The following MYO3B variants were observed in gnomAD, a reference collection of about 807,000 sequenced individuals.
MYO3B encodes the protein myosin IIIB.
Under a neutral mutation model 174.6 loss-of-function variants are expected in MYO3B, and 156 were observed. The ratio of observed to expected loss-of-function variants is 0.89; its 90% CI spans 0.78 to 1.02. MYO3B has a LOEUF of 1.02. Among genes scored for constraint, MYO3B ranks in the 50% least tolerant of loss-of-function variants. MYO3B has a pLI of 0.00. For synonymous variants in MYO3B, 563 were observed against 569.1 expected, an observed-to-expected ratio of 0.99 and a Z score of 0.15; for missense variants, 1,632 against 1,639.4, an observed-to-expected ratio of 1.00 and a Z score of 0.08.
At chr2:170,299,067 C>A (rs1420817584) in intron 7 of MYO3B, among the ~76,000 whole-genome samples, 2 of 152,170 alleles carry the variant, frequency 1.3e-5, no homozygotes, top group Admixed American at 1.3e-4. Context: ...ATTGCCTAAT[C>A]ATGCATTTCT....
chr2:170,413,812 G>A (rs2094560944), intron 22 of MYO3B, among the ~76,000 whole-genome samples: 1 of 152,024 alleles, frequency 6.6e-6, no homozygotes, highest in Non-Finnish European at 1.5e-5. Flanking sequence ...GGCCGAGGCG[G>A]GTGGATCACG....
chr2:170,418,169 C>T (rs1359324095), intron 22 of MYO3B, among the ~76,000 whole-genome samples: 3 of 152,188 alleles, frequency 2.0e-5, no homozygotes, highest in Admixed American at 2.0e-4. Context: ...TGAGATTGCT[C>T]TCATTTGGGC....
intron 32 of MYO3B, among the ~76,000 whole-genome samples, chr2:170,615,199 C>T (rs1424583209): frequency 6.6e-6 from 1 of 152,168 alleles, no homozygotes; most frequent in East Asian, 1.9e-4. Flanking sequence ...GACGTATCTT[C>T]CTCCCTCACT....
At chr2:170,562,210 G>T (rs1462720341) in intron 32 of MYO3B, among the ~76,000 whole-genome samples, 1 of 152,164 alleles carries the variant, frequency 6.6e-6, no homozygotes, top group Non-Finnish European at 1.5e-5. Flanking sequence ...TACATGCTCA[G>T]ATAATTTATG....
chr2:170,646,802 T>G, intron 32 of MYO3B: 1 of 638,544 alleles, frequency 1.6e-6, no homozygotes, highest in Non-Finnish European at 2.6e-6. Flanking sequence ...GGTGTATGAA[T>G]TAATAGAGAA....
chr2:170,596,633 A>T (rs1694165766), intron 32 of MYO3B, among the ~76,000 whole-genome samples: 3 of 152,210 alleles, frequency 2.0e-5, no homozygotes, highest in South Asian at 2.1e-4. Context: ...TTAAATAGGC[A>T]TCTCTTCCTC....
intron 8 of MYO3B, among the ~76,000 whole-genome samples, chr2:170,364,954 G>A (rs2094187155): frequency 1.3e-5 from 2 of 152,180 alleles, no homozygotes; most frequent in African/African-American, 4.8e-5. Flanking sequence ...TACTGGCTTT[G>A]CAGCTTGTCT....
At chr2:170,485,492 A>G (rs1685992880) in intron 25 of MYO3B, among the ~76,000 whole-genome samples, 1 of 151,892 alleles carries the variant, frequency 6.6e-6, no homozygotes, top group African/African-American at 2.4e-5. Flanking sequence ...TGTGAACCAC[A>G]CTTTTTATAC....
At chr2:170,569,521 T>G (rs1198982418) in intron 32 of MYO3B, among the ~76,000 whole-genome samples, 3 of 150,864 alleles carry the variant, frequency 2.0e-5, no homozygotes, top group Admixed American at 6.6e-5. Context: ...GGGCTGAGTT[T>G]TTTTTTTTTT....
At chr2:170,428,583 A>AT (rs550861158) in intron 22 of MYO3B, among the ~76,000 whole-genome samples, 3 of 152,136 alleles carry the variant, frequency 2.0e-5, no homozygotes, top group Non-Finnish European at 4.4e-5. Context: ...TAGCTCTCTG[A>AT]TTTATAGCTT....
chr2:170,351,992 G>A lies in MYO3B; in HGVS notation c.815+16542G>A, dbSNP rs1012111401. 5.9e-5 allele frequency among the ~76,000 whole-genome samples: 9 copies of A among 152,206 alleles called. No individual in the cohort carries two copies. In the East Asian group the frequency reaches 9.7e-4, roughly 16 times the overall value. ...TTTTGAGATGGAGTCTCGCTCCGTC[G>A]CCCAGGCTAGAGTGCAGTGGCATGA... On this transcript the variant is annotated intron_variant, in intron 8 of 34. Transcript: ENST00000408978.
At position 170,582,617 on chromosome 2, in the gene MYO3B, G is replaced by T. The variant is rs879264197; in HGVS notation, c.3733+38629G>T. Reference sequence around the variant, plus strand: ...TGCTTTTTCTTCCACCTTCCTTTCTGCCACTTTGCCACCCTAGCCTTCCTC... The same window carrying T: ...TGCTTTTTCTTCCACCTTCCTTTCTTCCACTTTGCCACCCTAGCCTTCCTC... On this transcript the variant is annotated intron_variant, in intron 32 of 34. Transcript: ENST00000408978. Among the ~76,000 whole-genome samples, 4 of 152,012 alleles carry T rather than the reference G, an allele frequency of 2.6e-5. No homozygotes were observed. In the South Asian group the frequency reaches 8.3e-4, roughly 32 times the overall value.
chr2:170,547,114 T>G (rs1337371386), intron 32 of MYO3B, among the ~76,000 whole-genome samples: 3 of 147,306 alleles, frequency 2.0e-5, no homozygotes, highest in African/African-American at 7.6e-5. Flanking sequence ...GGTCAGGAGA[T>G]GGAGACCATC....
intron 28 of MYO3B, among the ~76,000 whole-genome samples, chr2:170,508,013 A>G (rs1033833276): frequency 6.6e-6 from 1 of 152,230 alleles, no homozygotes; most frequent in African/African-American, 2.4e-5. Context: ...CTGTTTACCT[A>G]ATGCACAGAG....
At chr2:170,435,542 C>T (rs1021726393) in intron 22 of MYO3B, among the ~76,000 whole-genome samples, 3 of 152,140 alleles carry the variant, frequency 2.0e-5, no homozygotes, top group South Asian at 2.1e-4. Context: ...ATGTGGTTTC[C>T]GTTCTCAGTG....
At chr2:170,582,883 C>A (rs904809809) in intron 32 of MYO3B, among the ~76,000 whole-genome samples, 3 of 152,086 alleles carry the variant, frequency 2.0e-5, no homozygotes, top group African/African-American at 7.2e-5. Flanking sequence ...AGCTTATTCT[C>A]TGGAGGTCAA....
At chr2:170,631,755 T>A (rs1199576242) in intron 32 of MYO3B, among the ~76,000 whole-genome samples, 1 of 152,108 alleles carries the variant, frequency 6.6e-6, no homozygotes, top group Non-Finnish European at 1.5e-5. Context: ...ATATTCAACA[T>A]TCAATGTGCA....
At chr2:170,587,337 G>T (rs987042565) in intron 32 of MYO3B, among the ~76,000 whole-genome samples, 1 of 152,160 alleles carries the variant, frequency 6.6e-6, no homozygotes, top group African/African-American at 2.4e-5. Context: ...TCTTGTGCTT[G>T]ATTTAATCTC....
intron 1 of MYO3B, among the ~76,000 whole-genome samples, chr2:170,196,708 T>C (rs1009595114): frequency 6.6e-6 from 1 of 152,212 alleles, no homozygotes; most frequent in Non-Finnish European, 1.5e-5. Context: ...GAAGATTTGA[T>C]CTAGCTAACC....
Sources: allele counts gnomAD v4.1 joint callset (sites outside exome capture counted in the v4.1 genomes callset), GRCh38; gene constraint gnomAD v4.1.1; transcripts MANE v1.5; gene names NCBI Gene and HGNC (gene_info 2026-07-23, HGNC 2026-07-21).